Variants in MTERF2 observed in about 807,000 individuals in gnomAD.
MTERF2 encodes the protein mitochondrial transcription termination factor 2, also known as transcription termination factor 2, mitochondrial.
In MTERF2, 23 loss-of-function variants were observed where a neutral mutation model predicts 29.2. That is an observed-to-expected ratio of 0.79 (90% CI 0.57 to 1.12). MTERF2 has a LOEUF of 1.12. Ranked by LOEUF, MTERF2 falls within the 50% of genes most tolerant of loss-of-function variation. The pLI is 0.00. For synonymous variants in MTERF2, 157 were observed against 159.5 expected, an observed-to-expected ratio of 0.98 and a Z score of 0.12; for missense variants, 440 against 429.4, an observed-to-expected ratio of 1.02 and a Z score of -0.22.
At chr12:106,980,410 AG>A (rs1281009323) in intron 2 of MTERF2, among the ~76,000 whole-genome samples, 3 of 152,214 alleles carry the variant, frequency 2.0e-5, no homozygotes, top group Non-Finnish European at 4.4e-5. Context: ...CTCATCCTTG[AG>A]GTTAAGGATG....
rs753820287 is a variant in MTERF2 at position 106,978,381 on chromosome 12, C to T, written c.334G>A (p.Val112Ile). ...TGCCAGAGTTTTCTCTGGGTGTTAACAGCGGTTGGACTACAGACAATTGCT... is the reference window on the plus strand; with the variant it reads ...TGCCAGAGTTTTCTCTGGGTGTTAATAGCGGTTGGACTACAGACAATTGCT... Reference protein sequence around the residue: ...PEAIVCSPTAVNTQRKLWQLV... With the variant: ...PEAIVCSPTAINTQRKLWQLV... Residue 112 changes from valine (V) to isoleucine (I), a missense_variant, in exon 3 of 3, where the codon GTT becomes ATT. Physicochemically the swap from Val to Ile is conservative, Grantham distance 29. Transcript: ENST00000240050. The T allele has an allele frequency of 6.2e-7, 1 of 1,614,084 alleles. No individual in the cohort carries two copies. The highest frequency in any genetic ancestry group is 8.5e-7 in the Non-Finnish European group (1 of 1,180,034).
At position 106,977,569 on chromosome 12, in the gene MTERF2, A is replaced by AT. The variant is rs1423859522; in HGVS notation, c.1145dup (p.Asn382LysfsTer3). The AT allele has an allele frequency of 4.4e-6, 7 of 1,608,864 alleles. No individual in the cohort carries two copies. Among genetic ancestry groups the AT allele is most frequent in the Non-Finnish European group, 5.9e-6 (7 of 1,177,876 alleles). On this transcript the variant is annotated frameshift_variant, in exon 3 of 3. Coordinates refer to ENST00000240050, the MANE Select transcript of MTERF2 (RefSeq NM_001033050.3). LOFTEE classifies it high-confidence loss of function. ...AACAGTCAGTATGTCATTCTTCAAC[A>AT]TTTAATGGTGCCACAGGGTTAAATA...
At chr12:106,979,609 A>G (rs895183390) in intron 2 of MTERF2, among the ~76,000 whole-genome samples, 1 of 152,150 alleles carries the variant, frequency 6.6e-6, no homozygotes, top group Non-Finnish European at 1.5e-5. Flanking sequence ...GTGTGGTGGC[A>G]CATGCCTGTA....
chr12:106,979,503 G>A (rs557283480), intron 2 of MTERF2, among the ~76,000 whole-genome samples: 1 of 152,264 alleles, frequency 6.6e-6, no homozygotes, highest in African/African-American at 2.4e-5. Flanking sequence ...ACTTTGGGAG[G>A]CTAAGGTGGG....
chr12:106,985,483 T>C (rs945816102), intron 1 of MTERF2: 1 of 152,298 alleles, frequency 6.6e-6, no homozygotes. Context: ...AGGAAACTTT[T>C]CTAACCTTCA....
intron 2 of MTERF2, among the ~76,000 whole-genome samples, chr12:106,980,190 CT>C (rs1406416470): frequency 6.6e-6 from 1 of 152,162 alleles, no homozygotes; most frequent in African/African-American, 2.4e-5. Flanking sequence ...GCCCCCACCC[CT>C]GGCCATAAAC....
intron 2 of MTERF2, among the ~76,000 whole-genome samples, chr12:106,979,000 C>A (rs562189345): frequency 2.0e-5 from 3 of 150,516 alleles, no homozygotes; most frequent in Non-Finnish European, 4.4e-5. Context: ...GACGGGGCAA[C>A]AAGAGTGAAA....
Position 106,978,392 on chromosome 12 carries a change from C to G in MTERF2, c.323G>C (p.Ser108Thr), listed in dbSNP as rs1952014300. 5 of 1,614,092 alleles carry G rather than the reference C, an allele frequency of 3.1e-6. No individual in the cohort carries two copies. Among genetic ancestry groups the G allele is most frequent in the Non-Finnish European group, 4.2e-6 (5 of 1,180,052 alleles). The change falls in exon 3 of 3, where the codon AGT becomes ACT. Residue 108 changes from serine to threonine, a missense_variant. Ser to Thr is a moderately conservative substitution (Grantham distance 58). Coordinates refer to ENST00000240050, the MANE Select transcript of MTERF2 (RefSeq NM_001033050.3). ...TCTCTGGGTGTTAACAGCGGTTGGA[C>G]TACAGACAATTGCTTCCGGGCAGCG... ...LERCPEAIVC[S>T]PTAVNTQRKL... is the part of the protein sequence containing the mutation.
chr12:106,979,168 G>A (rs1952026880), intron 2 of MTERF2, among the ~76,000 whole-genome samples: 1 of 152,142 alleles, frequency 6.6e-6, no homozygotes, highest in African/African-American at 2.4e-5. Flanking sequence ...GACCTCAAAT[G>A]TTATTTTCAT....
At position 106,977,455 on chromosome 12, in the gene MTERF2, C is replaced by T; in HGVS notation, c.*102G>A. On this transcript the variant is annotated 3_prime_UTR_variant, in exon 3 of 3. Transcript: ENST00000240050. ...ACTTAAATACAACACAGAAGCTAAG[C>T]AGGTTCTTAAAATTACTGGTGTCTA... is the stretch of plus-strand genomic sequence containing the variant. 1.1e-6 allele frequency: 1 copy of T among 930,432 alleles called. No homozygotes were observed. The highest frequency in any genetic ancestry group is 1.6e-6 in the Non-Finnish European group (1 of 616,116). The allele number at this position is 930,432 out of a possible 1,614,324, so 57.6% of individuals were successfully genotyped here.
Position 106,978,447 on chromosome 12 carries a change from C to T in MTERF2, c.268G>A (p.Asp90Asn), listed in dbSNP as rs770859690. The change falls in exon 3 of 3, where the codon GAT (aspartate) becomes AAT (asparagine). Residue 90 changes from aspartate (D) to asparagine (N), a missense_variant. Transcript: ENST00000240050. ...AAAATACTGGCTACAGCAGTCTCAT[C>T]GGCACCTAGTTCTTGTAAAATATTC... ...IANILQELGA[D>N]ETAVASILER... 4.3e-6 allele frequency: 7 copies of T among 1,614,200 alleles called. No individual in the cohort carries two copies. Among genetic ancestry groups the T allele is most frequent in the East Asian group, 2.2e-5 (1 of 44,890 alleles).
At position 106,987,110 on chromosome 12, in the gene MTERF2, C is replaced by T. The variant is rs961556523; in HGVS notation, c.-310G>A. The T allele has an allele frequency of 6.6e-6, 1 of 152,434 alleles. No homozygotes were observed. Among genetic ancestry groups the T allele is most frequent in the East Asian group, 1.9e-4 (1 of 5,188 alleles). The allele number at this position is 152,434 out of a possible 1,614,324, so 9.4% of individuals were successfully genotyped here. A position where few individuals can be genotyped will look rare whatever the true frequency, so the allele number is the denominator to read the frequency against. ...TTTCGGTCCTCGGTCTCAAGAAGCTCCCGACAGTTCTCAGCAGCGCCAACC... is the reference window on the plus strand; with the variant it reads ...TTTCGGTCCTCGGTCTCAAGAAGCTTCCGACAGTTCTCAGCAGCGCCAACC... On this transcript the variant is annotated 5_prime_UTR_variant, in exon 1 of 3. Transcript: ENST00000240050.
At position 106,977,358 on chromosome 12, in the gene MTERF2, A is replaced by C; in HGVS notation, c.*199T>G. The C allele has an allele frequency of 4.3e-6, 2 of 465,566 alleles. No individual in the cohort carries two copies. Among genetic ancestry groups the C allele is most frequent in the East Asian group, 7.1e-5 (2 of 28,302 alleles). The allele number at this position is 465,566 out of a possible 1,614,324, so 28.8% of individuals were successfully genotyped here. A position where few individuals can be genotyped will look rare whatever the true frequency, so the allele number is the denominator to read the frequency against. ...TAATGGTTCAAGGTAAAAGTTACCA[A>C]CCTTATTAAAATAAATATGATTTAT... On this transcript the variant is annotated 3_prime_UTR_variant, in exon 3 of 3. Transcript: ENST00000240050.
Position 106,979,039 on chromosome 12 carries a change from A to G in MTERF2, c.-57-268T>C, listed in dbSNP as rs867673531. ...TTAAAAAAAAAAAACCTCCTAAATAATTAATTGAATTGTAATACACTTCTC... is the reference window on the plus strand; with the variant it reads ...TTAAAAAAAAAAAACCTCCTAAATAGTTAATTGAATTGTAATACACTTCTC... On this transcript the variant is annotated intron_variant, in intron 2 of 2. Transcript: ENST00000240050. Among the ~76,000 whole-genome samples the G allele has an allele frequency of 2.0e-5, 3 of 152,116 alleles. No individual in the cohort carries two copies. The South Asian group carries it at 6.2e-4, about 32-fold the overall frequency.
Position 106,978,240 on chromosome 12 carries a change from A to T in MTERF2, c.475T>A (p.Leu159Met), listed in dbSNP as rs752879377. 1.2e-6 allele frequency: 2 copies of T among 1,613,826 alleles called. No homozygotes were observed. Among genetic ancestry groups the T allele is most frequent in the East Asian group, 4.5e-5 (2 of 44,888 alleles). Residue 159 changes from leucine to methionine, a missense_variant, in exon 3 of 3, where the codon TTG (leucine) becomes ATG (methionine). Transcript: ENST00000240050. ...CTAATGACCACATTTTTTAGTCCCA[A>T]CTCTTGAAAGAACTGAACATTCAGC... ...QKLNVQFFQE[L>M]GLKNVVISRL... is the part of the protein sequence containing the mutation.
Position 106,978,103 on chromosome 12 carries a change from G to A in MTERF2, c.612C>T (p.Asn204=), listed in dbSNP as rs1566231268. Residue 204 remains asparagine, a synonymous_variant, in exon 3 of 3, where the codon AAC becomes AAT. Transcript: ENST00000240050. ...ACAATTTTAGTAGCCAAACTTTCAT[G>A]TTGGCCTCAGAGCCACCTACATCTA... The part of the protein sequence containing the change: ...SYLDVGGSEA[N]MKVWLLKLLS... The A allele has an allele frequency of 6.2e-7, 1 of 1,614,028 alleles. No individual in the cohort carries two copies. Among genetic ancestry groups the A allele is most frequent in the East Asian group, 2.2e-5 (1 of 44,860 alleles).
chr12:106,984,408 T>A (rs1353326800), intron 2 of MTERF2, among the ~76,000 whole-genome samples: 2 of 152,202 alleles, frequency 1.3e-5, no homozygotes, highest in Non-Finnish European at 2.9e-5. Flanking sequence ...TTACAGCCAA[T>A]GAGTAGTTTT....
Position 106,978,755 on chromosome 12 carries a change from A to G in MTERF2, c.-41T>C, listed in dbSNP as rs750059947. 1 of 1,556,260 alleles carries G rather than the reference A, an allele frequency of 6.4e-7. No homozygotes were observed. The highest frequency in any genetic ancestry group is 2.2e-5 in the East Asian group (1 of 44,552). The stretch of plus-strand genomic sequence containing the variant: ...GCTAGTTTCCACCGTCCTGGGACTT[A>G]AATGGACTCATTCTATCTGAAAAAA... On this transcript the variant is annotated 5_prime_UTR_variant, in exon 3 of 3. Transcript: ENST00000240050.
chr12:106,978,546 C>G lies in MTERF2; in HGVS notation c.169G>C (p.Val57Leu), dbSNP rs772103979. The change falls in exon 3 of 3, where the codon GTT becomes CTT. Residue 57 changes from valine (V) to leucine (L), a missense_variant. By Grantham distance (32) the Val-to-Leu change is conservative. Coordinates refer to ENST00000240050, the MANE Select transcript of MTERF2 (RefSeq NM_001033050.3). Reference protein sequence around the residue: ...RTVEKLYKCSVDIRKIRRLKG... With the variant: ...RTVEKLYKCSLDIRKIRRLKG... ...AATCTACGAATTTTCCTAATGTCAA[C>G]TGAACATTTATAGAGCTTTTCCACT... 9 of 1,614,244 alleles carry G rather than the reference C, an allele frequency of 5.6e-6. 1 individual carries two copies. The South Asian group carries it at 9.9e-5, about 18-fold the overall frequency.
Sources: allele counts gnomAD v4.1 joint callset (sites outside exome capture counted in the v4.1 genomes callset), GRCh38; gene constraint gnomAD v4.1.1; transcripts MANE v1.5; gene names NCBI Gene and HGNC (gene_info 2026-07-23, HGNC 2026-07-21).